The following CEP112 variants were observed in gnomAD, a reference collection of about 807,000 sequenced individuals.
The protein encoded by CEP112 is centrosomal protein of 112 kDa.
In CEP112, 127 loss-of-function variants were observed where a neutral mutation model predicts 153.0. The ratio of observed to expected loss-of-function variants is 0.83; its 90% CI spans 0.72 to 0.96. The LOEUF (loss-of-function observed/expected upper bound fraction) is 0.96. Among genes scored for constraint, CEP112 ranks in the 40% least tolerant of loss-of-function variants. CEP112 has a pLI of 0.00. For missense variants in CEP112, 1,089 were observed against 1,101.2 expected (o/e 0.99, Z 0.16); for synonymous variants, 358 against 374.4 (o/e 0.96, Z 0.51).
chr17:65,651,546 A>T (rs1301061283), intron 24 of CEP112, among the ~76,000 whole-genome samples: 1 of 152,184 alleles, frequency 6.6e-6, no homozygotes, highest in Non-Finnish European at 1.5e-5. Context: ...ACTAGTTTAC[A>T]TTCCCAACAG....
intron 4 of CEP112, among the ~76,000 whole-genome samples, chr17:66,133,609 C>T (rs888061016): frequency 2.0e-5 from 3 of 152,100 alleles, no homozygotes; most frequent in African/African-American, 7.2e-5. Context: ...CCTGGAGTCT[C>T]TCTTATATGA....
chr17:65,722,384 G>T (rs1428165272), intron 23 of CEP112, among the ~76,000 whole-genome samples: 1 of 152,130 alleles, frequency 6.6e-6, no homozygotes, highest in African/African-American at 2.4e-5. Context: ...AACTAGCTGG[G>T]ATTACAGGCA....
At chr17:65,959,171 C>T (rs73336660) in intron 18 of CEP112, among the ~76,000 whole-genome samples, 10,021 of 151,916 alleles carry the variant, frequency 0.066, 500 homozygotes, top group African/African-American at 0.12. Flanking sequence ...GAGAGGAGGA[C>T]CTGCCTACAG....
intron 21 of CEP112, among the ~76,000 whole-genome samples, chr17:65,761,932 A>T (rs1598496631): frequency 2.0e-5 from 3 of 152,228 alleles, no homozygotes; most frequent in South Asian, 2.1e-4. Context: ...GTTGAATTCA[A>T]CTATGTCCTT....
At chr17:65,655,568 T>C (rs1314492429) in intron 24 of CEP112, among the ~76,000 whole-genome samples, 2 of 152,238 alleles carry the variant, frequency 1.3e-5, no homozygotes, top group African/African-American at 4.8e-5. Flanking sequence ...TCCTTTATAA[T>C]TCATGTAAAA....
At chr17:66,096,695 G>T (rs2068361405) in intron 6 of CEP112, 63 bp from the exon 7 acceptor site, 2 of 1,055,158 alleles carry the variant, frequency 1.9e-6, no homozygotes, top group South Asian at 1.5e-5. Context: ...ATTATTATTT[G>T]ATAAAATATA....
At chr17:66,088,556 G>A (rs542883792) in intron 8 of CEP112, among the ~76,000 whole-genome samples, 3 of 152,004 alleles carry the variant, frequency 2.0e-5, no homozygotes, top group East Asian at 3.9e-4. Context: ...CAAGCATAAC[G>A]CAGGATTCAG....
intron 23 of CEP112, among the ~76,000 whole-genome samples, chr17:65,721,553 T>C (rs1407189094): frequency 6.6e-6 from 1 of 152,236 alleles, no homozygotes; most frequent in Admixed American, 6.5e-5. Flanking sequence ...TATTTATATA[T>C]TGATCATCTA....
intron 23 of CEP112, among the ~76,000 whole-genome samples, chr17:65,707,056 C>T (rs983029509): frequency 6.6e-6 from 1 of 152,144 alleles, no homozygotes; most frequent in African/African-American, 2.4e-5. Flanking sequence ...TTAATTTGGT[C>T]CACTTCATGC....
At chr17:65,761,170 A>C (rs965050175) in intron 21 of CEP112, among the ~76,000 whole-genome samples, 1 of 151,814 alleles carries the variant, frequency 6.6e-6, no homozygotes, top group Admixed American at 6.6e-5. Context: ...TATCAAATCT[A>C]TTGATCTTTT....
intron 23 of CEP112, among the ~76,000 whole-genome samples, chr17:65,692,334 T>C (rs1228254589): frequency 1.3e-5 from 2 of 151,476 alleles, no homozygotes; most frequent in African/African-American, 4.9e-5. Flanking sequence ...GTTCAAGCGA[T>C]TCTCCTGCCT....
At position 65,995,824 on chromosome 17, in the gene CEP112, T is replaced by C. The variant is rs550180051; in HGVS notation, c.1736+9866A>G. 2.9e-3 allele frequency among the ~76,000 whole-genome samples: 434 copies of C among 152,228 alleles called. 3 individuals carry two copies. Among genetic ancestry groups the C allele is most frequent in the Non-Finnish European group, 4.6e-3 (310 of 68,006 alleles). On this transcript the variant is annotated intron_variant, in intron 17 of 26. Coordinates refer to ENST00000535342, the MANE Select transcript of CEP112 (RefSeq NM_001199165.4). ...TGAATCATGGGTACAGATTCCCCCATACTGTTCTCGTGCAGTGAATAAGTC... is the reference window on the plus strand; with the variant it reads ...TGAATCATGGGTACAGATTCCCCCACACTGTTCTCGTGCAGTGAATAAGTC...
At chr17:66,061,980 T>C (rs2066938237) in intron 11 of CEP112, among the ~76,000 whole-genome samples, 1 of 152,124 alleles carries the variant, frequency 6.6e-6, no homozygotes, top group East Asian at 1.9e-4. Context: ...CTCATGATAG[T>C]GAGTGAGTTC....
At chr17:65,889,695 G>T (rs889521246) in intron 20 of CEP112, among the ~76,000 whole-genome samples, 1 of 152,036 alleles carries the variant, frequency 6.6e-6, no homozygotes, top group African/African-American at 2.4e-5. Context: ...GAGATGGAGA[G>T]CTGTCCTTTG....
At chr17:65,742,186 A>G (rs570168043) in intron 23 of CEP112, among the ~76,000 whole-genome samples, 3 of 152,280 alleles carry the variant, frequency 2.0e-5, no homozygotes, top group Admixed American at 6.5e-5. Flanking sequence ...GCAACAGGCT[A>G]TAGAAAAAGA....
At chr17:65,764,170 G>C (rs2052791640) in intron 21 of CEP112, among the ~76,000 whole-genome samples, 1 of 152,070 alleles carries the variant, frequency 6.6e-6, no homozygotes, top group Non-Finnish European at 1.5e-5. Context: ...CCTTCCCCCA[G>C]ATTGGTTAGG....
intron 24 of CEP112, among the ~76,000 whole-genome samples, chr17:65,676,841 A>C (rs946595669): frequency 6.6e-6 from 1 of 152,198 alleles, no homozygotes; most frequent in Non-Finnish European, 1.5e-5. Context: ...TTAGTTTTTC[A>C]TTCTTTCTTC....
chr17:65,656,750 T>A (rs1219157238), intron 24 of CEP112, among the ~76,000 whole-genome samples: 1 of 152,220 alleles, frequency 6.6e-6, no homozygotes, highest in African/African-American at 2.4e-5. Flanking sequence ...TGTGTTCATT[T>A]TGCTGACTGC....
intron 24 of CEP112, among the ~76,000 whole-genome samples, chr17:65,687,074 T>C (rs2144338218): frequency 1.3e-5 from 2 of 152,234 alleles, no homozygotes; most frequent in South Asian, 2.1e-4. Flanking sequence ...ATGGTTATTG[T>C]GAAAATTAAA....
Sources: gnomAD v4.1 joint callset for allele counts (sites outside exome capture counted in the v4.1 genomes callset) on GRCh38, gnomAD v4.1.1 for gene constraint, MANE v1.5 for transcripts, NCBI Gene and HGNC (gene_info 2026-07-23, HGNC 2026-07-21) for gene names.